The following FKBP7 variants were observed in gnomAD, a reference collection of about 807,000 sequenced individuals.
The protein encoded by FKBP7 is peptidyl-prolyl cis-trans isomerase FKBP7.
FKBP7 carries 24 observed loss-of-function variants against 24.3 expected under a neutral mutation model. The observed-to-expected ratio is 0.99, with a 90% CI of 0.72 to 1.39. FKBP7 has a LOEUF of 1.39. Ranked by LOEUF, FKBP7 falls within the 40% of genes most tolerant of loss-of-function variation. FKBP7 has a pLI of 0.00. For synonymous variants in FKBP7, 98 were observed against 92.8 expected (o/e 1.06, Z -0.32); for missense variants, 257 against 269.5 (o/e 0.95, Z 0.33).
At position 178,478,432 on chromosome 2, in the gene FKBP7, G is replaced by T. The variant is rs1312116188; in HGVS notation, c.68C>A (p.Ala23Asp). Residue 23 changes from alanine to aspartate, a missense_variant, in exon 1 of 4, where the codon GCT becomes GAT. Transcript: ENST00000424785. ...VFFYLWGLFT[A>D]QRQKKEESTE... ...GCTCTCCTCTTTCTTTTGTCTCTGA[G>T]CAGTAAAAAGGCCCCACAGATAAAA... The T allele has an allele frequency of 6.2e-7, 1 of 1,614,168 alleles. No homozygotes were observed. The highest frequency in any genetic ancestry group is 1.1e-5 in the South Asian group (1 of 91,080).
rs942158633 is a variant in FKBP7 at position 178,464,197 on chromosome 2, G to A, written c.*1573C>T. 1 of 152,146 alleles carries A rather than the reference G, an allele frequency of 6.6e-6. No individual in the cohort carries two copies. The highest frequency in any genetic ancestry group is 2.4e-5 in the African/African-American group (1 of 41,434). 9.4% of individuals were successfully genotyped at this position (152,146 alleles called of 1,614,324 possible). On this transcript the variant is annotated 3_prime_UTR_variant, in exon 4 of 4. Coordinates refer to ENST00000424785, the MANE Select transcript of FKBP7 (RefSeq NM_181342.3). ...TTTTTGATAGTGTAAAGAAGTTAAAGGATGAACAATGGTTTGGAAAGAGCA... is the reference window on the plus strand; with the variant it reads ...TTTTTGATAGTGTAAAGAAGTTAAAAGATGAACAATGGTTTGGAAAGAGCA...
intron 2 of FKBP7, among the ~76,000 whole-genome samples, chr2:178,470,121 C>G (rs1356903619): frequency 6.6e-6 from 1 of 151,518 alleles, no homozygotes; most frequent in Non-Finnish European, 1.5e-5. Context: ...TGGATATGAC[C>G]CTCTATATCT....
chr2:178,467,578 G>A (rs1684708572), intron 3 of FKBP7, among the ~76,000 whole-genome samples: 1 of 152,182 alleles, frequency 6.6e-6, no homozygotes, highest in African/African-American at 2.4e-5. Flanking sequence ...GGATTGATAT[G>A]AGGATTAGAA....
intron 3 of FKBP7, 81 bp from the exon 4 acceptor site, chr2:178,466,012 T>C: frequency 2.5e-6 from 3 of 1,182,126 alleles, no homozygotes; most frequent in Non-Finnish European, 3.5e-6. Context: ...GTTATAATAA[T>C]GAAACTCATG....
intron 2 of FKBP7, among the ~76,000 whole-genome samples, chr2:178,474,573 G>T (rs1684949079): frequency 6.6e-6 from 1 of 152,200 alleles, no homozygotes; most frequent in African/African-American, 2.4e-5. Context: ...CCTCTGAAAT[G>T]AAAGCTCATA....
rs747196453 is a variant in FKBP7 at position 178,469,827 on chromosome 2, T to C, written c.374-42A>G. ...TAACAGTTTAACTTATGTAAAGATA[T>C]AGTTCAAATATCTATTCATGAACTG... is the stretch of plus-strand genomic sequence containing the variant. On this transcript the variant is annotated intron_variant, in intron 2 of 3. Transcript: ENST00000424785. 9.7e-6 allele frequency: 15 copies of C among 1,542,358 alleles called. No homozygotes were observed. In the East Asian group the frequency reaches 1.6e-4, roughly 16 times the overall value.
At chr2:178,478,214 C>T (rs1685066997) in intron 1 of FKBP7, 65 bp downstream of exon 1, 1 of 1,581,156 alleles carries the variant, frequency 6.3e-7, no homozygotes, top group Non-Finnish European at 8.6e-7. Flanking sequence ...ATGAGGCTTC[C>T]GCTTGGTGGA....
At position 178,469,673 on chromosome 2, in the gene FKBP7, G is replaced by A. The variant is rs1684793696; in HGVS notation, c.486C>T (p.Asp162=). 1.2e-6 allele frequency: 2 copies of A among 1,613,870 alleles called. No homozygotes were observed. Among genetic ancestry groups the A allele is most frequent in the East Asian group, 4.5e-5 (2 of 44,842 alleles). ...TTACCTCGGCTTTAGAGAGCTGCCTGTCATTGTCCATGTCTATTTGTTTAA... is the reference window on the plus strand; with the variant it reads ...TTACCTCGGCTTTAGAGAGCTGCCTATCATTGTCCATGTCTATTTGTTTAA... ...ETFKQIDMDN[D]RQLSKAEINL... Residue 162 remains aspartate, a synonymous_variant, in exon 3 of 4, where the codon GAC becomes GAT. Transcript: ENST00000424785.
In FKBP7 at chr2:178,465,651, G is replaced by A; in HGVS notation, c.*119C>T. 2 of 916,358 alleles carry A rather than the reference G, an allele frequency of 2.2e-6. No individual in the cohort carries two copies. Among genetic ancestry groups the A allele is most frequent in the Non-Finnish European group, 3.1e-6 (2 of 648,146 alleles). 56.8% of individuals were successfully genotyped at this position (916,358 alleles called of 1,614,324 possible). A position where few individuals can be genotyped will look rare whatever the true frequency, so the allele number is the denominator to read the frequency against. On this transcript the variant is annotated 3_prime_UTR_variant, in exon 4 of 4. Coordinates refer to ENST00000424785, the MANE Select transcript of FKBP7 (RefSeq NM_181342.3). The stretch of plus-strand genomic sequence containing the variant: ...ATTATACCAAAATCAATGTATTGGG[G>A]AGATCAAAATATCTTCTCATAGGGG...
rs1684582644 is a variant in FKBP7 at position 178,463,708 on chromosome 2, C to T, written c.*2062G>A. 6.6e-6 allele frequency: 1 copy of T among 152,094 alleles called. No homozygotes were observed. The highest frequency in any genetic ancestry group is 6.5e-5 in the Admixed American group (1 of 15,268). The allele number at this position is 152,094 out of a possible 1,614,324, so 9.4% of individuals were successfully genotyped here. A position where few individuals can be genotyped will look rare whatever the true frequency, so the allele number is the denominator to read the frequency against. On this transcript the variant is annotated 3_prime_UTR_variant, in exon 4 of 4. Coordinates refer to ENST00000424785, the MANE Select transcript of FKBP7 (RefSeq NM_181342.3). The stretch of plus-strand genomic sequence containing the variant: ...AAATTTATTTTTAATTATGTAAATA[C>T]AAGTTTTAGAATGAATCATCTTCCT...
Position 178,477,139 on chromosome 2 carries a change from G to A in FKBP7, c.296C>T (p.Ala99Val), listed in dbSNP as rs1685032598. 1 of 1,612,908 alleles carries A rather than the reference G, an allele frequency of 6.2e-7. No individual in the cohort carries two copies. Among genetic ancestry groups the A allele is most frequent in the Admixed American group, 1.7e-5 (1 of 59,846 alleles). The change falls in exon 2 of 4, where the codon GCT becomes GTT. Residue 99 changes from alanine to valine, a missense_variant. Coordinates refer to ENST00000424785, the MANE Select transcript of FKBP7 (RefSeq NM_181342.3). ...VGQVIKGLDI[A>V]MTDMCPGEKR... ...TTCTCCAGGGCACATATCTGTCATA[G>A]CAATGTCTAGGCCTTTTATGACTTG...
chr2:178,476,191 GA>G (rs1290026828), intron 2 of FKBP7, among the ~76,000 whole-genome samples: 1 of 152,166 alleles, frequency 6.6e-6, no homozygotes, highest in Admixed American at 6.5e-5. Flanking sequence ...CAATGTAGAA[GA>G]AAGAACTCTG....
At position 178,477,740 on chromosome 2, in the gene FKBP7, T is replaced by C. The variant is rs185687785; in HGVS notation, c.222-527A>G. Among the ~76,000 whole-genome samples the C allele has an allele frequency of 1.4e-3, 218 of 152,260 alleles. 5 individuals are homozygous for C. The South Asian group carries it at 0.022, about 16-fold the overall frequency. ...TTTTCCCAGTCCTATCTTTACAGGG[T>C]AAAGAAAAGATTCTCCCTCTGAGTA... On this transcript the variant is annotated intron_variant, in intron 1 of 3. Coordinates refer to ENST00000424785, the MANE Select transcript of FKBP7 (RefSeq NM_181342.3).
chr2:178,472,717 C>T (rs188262211), intron 2 of FKBP7, among the ~76,000 whole-genome samples: 5 of 151,836 alleles, frequency 3.3e-5, no homozygotes, highest in South Asian at 2.1e-4. Flanking sequence ...GGCATGGTGG[C>T]GTGTGCCTGT....
intron 2 of FKBP7, among the ~76,000 whole-genome samples, chr2:178,471,214 T>G (rs907437108): frequency 1.3e-5 from 2 of 151,130 alleles, no homozygotes; most frequent in Non-Finnish European, 3.0e-5. Context: ...GTCACAGATT[T>G]TTTTTTTTTT....
Position 178,464,228 on chromosome 2 carries a change from C to A in FKBP7, c.*1542G>T, listed in dbSNP as rs571821323. On this transcript the variant is annotated 3_prime_UTR_variant, in exon 4 of 4. Transcript: ENST00000424785. Reference sequence around the variant, plus strand: ...ACAATGGTTTGGAAAGAGCAAGTTTCAGAAGGTAGAAAAAACTTTACTTGT... The same window carrying A: ...ACAATGGTTTGGAAAGAGCAAGTTTAAGAAGGTAGAAAAAACTTTACTTGT... The A allele has an allele frequency of 2.6e-5, 4 of 152,322 alleles. No individual in the cohort carries two copies. The highest frequency in any genetic ancestry group is 9.6e-5 in the African/African-American group (4 of 41,560). 9.4% of individuals were successfully genotyped at this position (152,322 alleles called of 1,614,324 possible). A position where few individuals can be genotyped will look rare whatever the true frequency, so the allele number is the denominator to read the frequency against.
intron 3 of FKBP7, among the ~76,000 whole-genome samples, chr2:178,468,908 C>G (rs1684764207): frequency 6.7e-6 from 1 of 150,280 alleles, no homozygotes; most frequent in African/African-American, 2.5e-5. Flanking sequence ...AGTCTATCTT[C>G]CAGGCTGGAG....
Position 178,464,502 on chromosome 2 carries a change from G to A in FKBP7, c.*1268C>T, listed in dbSNP as rs1378249843. On this transcript the variant is annotated 3_prime_UTR_variant, in exon 4 of 4. Coordinates refer to ENST00000424785, the MANE Select transcript of FKBP7 (RefSeq NM_181342.3). ...GTGGCGGGTGGGAGAATGAATGCAA[G>A]AGGAACTACCAAACACTTATAAAAC... The A allele has an allele frequency of 6.6e-6, 1 of 152,260 alleles. No homozygotes were observed. The highest frequency in any genetic ancestry group is 1.5e-5 in the Non-Finnish European group (1 of 68,068). 9.4% of individuals were successfully genotyped at this position (152,260 alleles called of 1,614,324 possible).
rs1684640150 is a variant in FKBP7, at chr2:178,465,856, C to A, written c.583G>T (p.Glu195Ter). The part of the protein sequence containing the change: ...RDKSYQDAVL[E>*]DIFKKNDHDG... ...TGGTCATTCTTCTTAAAAATATCTT[C>A]TAAAACTGCATCCTGATATGACTTG... Residue 195 changes from glutamate (E) to a stop codon, truncating the protein, a stop_gained, in exon 4 of 4, where the codon GAA becomes TAA. Coordinates refer to ENST00000424785, the MANE Select transcript of FKBP7 (RefSeq NM_181342.3). LOFTEE classifies it high-confidence loss of function. 3 of 1,612,442 alleles carry A rather than the reference C, an allele frequency of 1.9e-6. No individual in the cohort carries two copies. The South Asian group carries it at 3.3e-5, about 18-fold the overall frequency.
Sources: gnomAD v4.1 joint callset for allele counts (sites outside exome capture counted in the v4.1 genomes callset) on GRCh38, gnomAD v4.1.1 for gene constraint, MANE v1.5 for transcripts, NCBI Gene and HGNC (gene_info 2026-07-23, HGNC 2026-07-21) for gene names.